GREB1: variants seen among roughly 807,000 people sequenced by gnomAD.
The protein encoded by GREB1 is growth regulating estrogen receptor binding 1, also known as protein GREB1.
Under a neutral mutation model 200.7 loss-of-function variants are expected in GREB1, and 106 were observed. The ratio of observed to expected loss-of-function variants is 0.53; its 90% CI spans 0.45 to 0.62. The LOEUF is 0.62. Ranked by LOEUF, GREB1 falls within the 20% of genes least tolerant of loss-of-function variation. GREB1 has a pLI of 0.00. For missense variants in GREB1, 2,243 were observed against 2,556.8 expected (o/e 0.88, Z 2.65); for synonymous variants, 1,132 against 1,092.4 (o/e 1.04, Z -0.72).
chr2:11,510,433 T>C (rs1673317249), intron 1 of GREB1, among the ~76,000 whole-genome samples: 3 of 152,210 alleles, frequency 2.0e-5, no homozygotes. Flanking sequence ...ATGATTTCAT[T>C]AGGGGTTGTA....
Position 11,635,473 on chromosome 2 carries a change from G to T in GREB1, c.5346+68G>T. On this transcript the variant is annotated intron_variant, in intron 30 of 32. Coordinates refer to ENST00000381486, the MANE Select transcript of GREB1 (RefSeq NM_014668.4). ...GGGCCGCCCTGGCACACACACTGAG[G>T]GTAGGAGCCATTGAGGGAGGCCATG... is the stretch of plus-strand genomic sequence containing the variant. The T allele has an allele frequency of 2.0e-6, 3 of 1,525,212 alleles. No homozygotes were observed. In the Admixed American group the frequency reaches 6.0e-5, roughly 30 times the overall value. 94.5% of individuals were successfully genotyped at this position (1,525,212 alleles called of 1,614,324 possible).
intron 18 of GREB1, among the ~76,000 whole-genome samples, chr2:11,611,577 T>C (rs1165685796): frequency 1.3e-5 from 2 of 152,084 alleles, no homozygotes; most frequent in African/African-American, 2.4e-5. Flanking sequence ...AAGTGCTGGG[T>C]TCCAGGTGTG....
intron 23 of GREB1, among the ~76,000 whole-genome samples, chr2:11,623,655 C>A (rs1444768237): frequency 6.6e-6 from 1 of 152,166 alleles, no homozygotes; most frequent in Non-Finnish European, 1.5e-5. Context: ...CTTTGTGGGG[C>A]CGAGGTGGGT....
intron 1 of GREB1, among the ~76,000 whole-genome samples, chr2:11,495,209 G>A (rs1299536636): frequency 1.3e-5 from 2 of 152,214 alleles, no homozygotes; most frequent in Non-Finnish European, 2.9e-5. Context: ...TACACCACCA[G>A]CTGCTGTCAT....
chr2:11,613,233 A>T, intron 19 of GREB1, among the ~76,000 whole-genome samples: 1 of 152,008 alleles, frequency 6.6e-6, no homozygotes, highest in East Asian at 1.9e-4. Flanking sequence ...ACATGCGGAC[A>T]CTCGAGACTC....
intron 1 of GREB1, among the ~76,000 whole-genome samples, chr2:11,486,652 G>A (rs1047678499): frequency 6.6e-6 from 1 of 152,114 alleles, no homozygotes; most frequent in African/African-American, 2.4e-5. Flanking sequence ...TGGGTCACCT[G>A]AGGCCAGGAG....
At position 11,536,388 on chromosome 2, in the gene GREB1, T is replaced by A. The variant is rs186065957; in HGVS notation, c.-162+2134T>A. On this transcript the variant is annotated intron_variant, in intron 1 of 32. Coordinates refer to ENST00000381486, the MANE Select transcript of GREB1 (RefSeq NM_014668.4). The stretch of plus-strand genomic sequence containing the variant: ...GATCTGGAAACCTCTCAGGGAAACA[T>A]TTTGTAAAAGCCAAGCCATATTTAT... 5.9e-3 allele frequency among the ~76,000 whole-genome samples: 894 copies of A among 152,306 alleles called. 5 individuals carry two copies. Among genetic ancestry groups the A allele is most frequent in the African/African-American group, 0.02 (836 of 41,564 alleles).
At chr2:11,553,453 C>T (rs900336675) in intron 1 of GREB1, among the ~76,000 whole-genome samples, 18 of 152,082 alleles carry the variant, frequency 1.2e-4, no homozygotes, top group African/African-American at 4.4e-4. Context: ...TGCACTCACT[C>T]CAGCCTGGGC....
At chr2:11,558,484 G>A (rs956328960) in intron 2 of GREB1, among the ~76,000 whole-genome samples, 8 of 152,156 alleles carry the variant, frequency 5.3e-5, no homozygotes, top group African/African-American at 1.4e-4. Context: ...GCTGTCAGCC[G>A]GCTTGTCCAG....
chr2:11,613,648 A>G (rs1248184311), intron 19 of GREB1, among the ~76,000 whole-genome samples: 1 of 152,210 alleles, frequency 6.6e-6, no homozygotes, highest in African/African-American at 2.4e-5. Flanking sequence ...TTGCTATTTC[A>G]CATGGATTAA....
intron 19 of GREB1, among the ~76,000 whole-genome samples, chr2:11,614,197 A>T (rs1302591181): frequency 6.7e-6 from 1 of 149,022 alleles, no homozygotes; most frequent in Non-Finnish European, 1.5e-5. Flanking sequence ...TGCAATCTCA[A>T]CTCACTGCAG....
chr2:11,581,336 A>G, intron 7 of GREB1: 1 of 335,702 alleles, frequency 3.0e-6, no homozygotes, highest in Non-Finnish European at 5.4e-6. Flanking sequence ...CACATCTGGC[A>G]GCTCACTAAT....
chr2:11,585,830 G>A lies in GREB1; in HGVS notation c.1084G>A (p.Val362Met), dbSNP rs1680029052. The change falls in exon 9 of 33, where the codon GTG (valine) becomes ATG (methionine). Residue 362 changes from valine to methionine, a missense_variant. This residue lies in a region of GREB1 where 1,178 missense variants were observed against 1,387.4 expected (regional missense o/e 0.85). Coordinates refer to ENST00000381486, the MANE Select transcript of GREB1 (RefSeq NM_014668.4). Reference sequence around the variant, plus strand: ...ACCAGCTTCAGTCACCTTTCCAGTGGTGGCCTCTGGAGAACCAGTGTCTGT... The same window carrying A: ...ACCAGCTTCAGTCACCTTTCCAGTGATGGCCTCTGGAGAACCAGTGTCTGT... ...VGPASVTFPVVASGEPVSVPD... is the reference protein window; with the variant it reads ...VGPASVTFPVMASGEPVSVPD... 3.1e-6 allele frequency: 5 copies of A among 1,613,770 alleles called. No homozygotes were observed. Among genetic ancestry groups the A allele is most frequent in the Admixed American group, 1.7e-5 (1 of 60,010 alleles).
intron 9 of GREB1, chr2:11,588,469 C>T (rs1680394835): frequency 2.2e-6 from 1 of 461,406 alleles, no homozygotes; most frequent in Admixed American, 3.4e-5. Flanking sequence ...AAGTCCCTCC[C>T]TCCAGCCCCC....
intron 1 of GREB1, among the ~76,000 whole-genome samples, chr2:11,553,930 AAAGCTTCTTCCTGTGTGCCTT>A (rs149524259): frequency 0.11 from 17,379 of 151,960 alleles, 1,053 homozygotes; most frequent in South Asian, 0.24. Flanking sequence ...AGTCCACCTT[AAAGCTTCTTCCTGTGTGCCTT>A]AAGCTCTATA....
rs373416962 is a variant in GREB1, at chr2:11,551,762, C to T, written c.-161-4692C>T. On this transcript the variant is annotated intron_variant, in intron 1 of 32. Coordinates refer to ENST00000381486, the MANE Select transcript of GREB1 (RefSeq NM_014668.4). ...ACCGCCGCAGCCCGGGTTCGATTCC[C>T]GGTCATGGAACCAAGAAGTGGAGCA... Among the ~76,000 whole-genome samples, 47 of 152,258 alleles carry T rather than the reference C, an allele frequency of 3.1e-4. No individual in the cohort carries two copies. In the South Asian group the frequency reaches 5.2e-3, roughly 17 times the overall value.
At chr2:11,531,015 C>G (rs76247797), upstream of GREB1, among the ~76,000 whole-genome samples, 6,090 of 152,116 alleles carry the variant, frequency 0.04, 424 homozygotes, top group African/African-American at 0.14. Context: ...ATTAACCCCC[C>G]CAAAACTAGC....
chr2:11,641,468 G>A lies in GREB1; in HGVS notation c.*1014G>A, dbSNP rs114300393. Reference sequence around the variant, plus strand: ...CACCCCTTCACAGACTGACAGAATGGTTTTGTTTTGTTTTGTTTTGTTTTG... The same window carrying A: ...CACCCCTTCACAGACTGACAGAATGATTTTGTTTTGTTTTGTTTTGTTTTG... On this transcript the variant is annotated 3_prime_UTR_variant, in exon 33 of 33. Coordinates refer to ENST00000381486, the MANE Select transcript of GREB1 (RefSeq NM_014668.4). 7 of 27,090 alleles carry A rather than the reference G, an allele frequency of 2.6e-4. No individual in the cohort carries two copies. Among genetic ancestry groups the A allele is most frequent in the African/African-American group, 2.0e-3 (7 of 3,458 alleles). The allele number at this position is 27,090 out of a possible 1,614,324, so 1.7% of individuals were successfully genotyped here.
chr2:11,517,508 A>AC (rs1673548442), intron 1 of GREB1: 1 of 151,870 alleles, frequency 6.6e-6, no homozygotes, highest in Non-Finnish European at 1.5e-5. Context: ...TAGACTTGAA[A>AC]AAAAAAAGAG....
Sources: allele counts gnomAD v4.1 joint callset (sites outside exome capture counted in the v4.1 genomes callset), GRCh38; gene constraint gnomAD v4.1.1; regional missense constraint gnomAD v4.1.1; transcripts MANE v1.5; gene names NCBI Gene and HGNC (gene_info 2026-07-23, HGNC 2026-07-21).